The following CSMD3 variants were observed in gnomAD, a reference collection of about 807,000 sequenced individuals.
CSMD3 encodes the protein CUB and sushi domain-containing protein 3.
CSMD3 carries 177 observed loss-of-function variants against 435.2 expected under a neutral mutation model. The observed-to-expected ratio is 0.41, with a 90% CI of 0.36 to 0.46. The LOEUF (loss-of-function observed/expected upper bound fraction) is 0.46. Among genes scored for constraint, CSMD3 ranks in the 20% least tolerant of loss-of-function variants. CSMD3 has a pLI of 0.34. For synonymous variants in CSMD3, 1,656 were observed against 1,520.5 expected (o/e 1.09, Z -2.07); for missense variants, 4,265 against 4,504.6 (o/e 0.95, Z 1.52).
chr8:113,278,756 T>C lies in CSMD3; in HGVS notation c.402-52A>G, dbSNP rs747396978. ...GAGACATAATCATTTTATCTAAGAG[T>C]TTTTAAGAAGGATTAAAGTCATATT... On this transcript the variant is annotated intron_variant, in intron 2 of 70. Coordinates refer to ENST00000297405, the MANE Select transcript of CSMD3 (RefSeq NM_198123.2). The C allele has an allele frequency of 1.7e-5, 15 of 864,816 alleles. No individual in the cohort carries two copies. The South Asian group carries it at 2.0e-4, about 12-fold the overall frequency. 53.6% of individuals were successfully genotyped at this position (864,816 alleles called of 1,614,324 possible).
chr8:112,510,086 C>G (rs1338708641), intron 28 of CSMD3, among the ~76,000 whole-genome samples: 2 of 152,174 alleles, frequency 1.3e-5, no homozygotes, highest in Non-Finnish European at 2.9e-5. Context: ...TCCAATCTAT[C>G]AAGAAGCCCT....
intron 3 of CSMD3, among the ~76,000 whole-genome samples, chr8:113,271,262 T>C (rs2093523352): frequency 6.6e-6 from 1 of 152,140 alleles, no homozygotes; most frequent in Admixed American, 6.5e-5. Context: ...AACAAGGCAC[T>C]TAATGTTAAT....
At chr8:112,764,904 A>T (rs1157069680) in intron 13 of CSMD3, among the ~76,000 whole-genome samples, 2 of 151,708 alleles carry the variant, frequency 1.3e-5, no homozygotes, top group Non-Finnish European at 3.0e-5. Context: ...TCAGAAGAAG[A>T]TTACAAATTA....
At chr8:113,020,735 T>C (rs2086657216) in intron 5 of CSMD3, among the ~76,000 whole-genome samples, 1 of 152,226 alleles carries the variant, frequency 6.6e-6, no homozygotes, top group South Asian at 2.1e-4. Context: ...TGATTTATTA[T>C]ACTATGTTTG....
intron 13 of CSMD3, among the ~76,000 whole-genome samples, chr8:112,730,809 G>T (rs1014850927): frequency 1.3e-5 from 2 of 152,074 alleles, no homozygotes; most frequent in African/African-American, 4.8e-5. Flanking sequence ...GATCAATTTA[G>T]GGCTTGCTCT....
chr8:113,121,087 C>CT (rs1441332194), intron 4 of CSMD3, among the ~76,000 whole-genome samples: 1 of 152,192 alleles, frequency 6.6e-6, no homozygotes, highest in East Asian at 1.9e-4. Context: ...ATAAAACCAG[C>CT]TTTTTTGTGC....
intron 4 of CSMD3, among the ~76,000 whole-genome samples, chr8:113,148,690 A>G (rs562376638): frequency 2.6e-5 from 4 of 151,904 alleles, no homozygotes; most frequent in East Asian, 1.9e-4. Flanking sequence ...GACAGAGTAC[A>G]TATTTAAACA....
intron 5 of CSMD3, among the ~76,000 whole-genome samples, chr8:113,047,224 A>G (rs2087875172): frequency 6.6e-6 from 1 of 152,198 alleles, no homozygotes; most frequent in African/African-American, 2.4e-5. Flanking sequence ...AAATATATTT[A>G]ATTACCATTT....
At chr8:112,251,599 A>G (rs1277720644) in intron 63 of CSMD3, among the ~76,000 whole-genome samples, 1 of 151,856 alleles carries the variant, frequency 6.6e-6, no homozygotes, top group Non-Finnish European at 1.5e-5. Flanking sequence ...ATACTAAGAT[A>G]CTAATTTCAA....
At chr8:112,633,371 G>A (rs990181051) in intron 22 of CSMD3, among the ~76,000 whole-genome samples, 7 of 151,922 alleles carry the variant, frequency 4.6e-5, no homozygotes, top group Admixed American at 1.3e-4. Flanking sequence ...ACTTAGACTC[G>A]GAACATTGTG....
intron 37 of CSMD3, among the ~76,000 whole-genome samples, chr8:112,382,089 G>A (rs1208759317): frequency 1.3e-5 from 2 of 151,856 alleles, no homozygotes; most frequent in Admixed American, 6.6e-5. Context: ...AACCAGCCTA[G>A]GCAACATAGC....
chr8:113,385,561 G>T (rs1224634292), intron 1 of CSMD3, among the ~76,000 whole-genome samples: 1 of 152,056 alleles, frequency 6.6e-6, no homozygotes, highest in African/African-American at 2.4e-5. Context: ...TTCACATAAT[G>T]GCTTTGACTA....
Position 112,926,314 on chromosome 8 carries a change from T to C in CSMD3, c.1509-4563A>G, listed in dbSNP as rs1160348774. ...TTCCTAGGAAAGTATTCAGTTACCATGAAATGACAAGGAGGACAAGCTGTA... is the reference window on the plus strand; with the variant it reads ...TTCCTAGGAAAGTATTCAGTTACCACGAAATGACAAGGAGGACAAGCTGTA... On this transcript the variant is annotated intron_variant, in intron 9 of 70. Coordinates refer to ENST00000297405, the MANE Select transcript of CSMD3 (RefSeq NM_198123.2). 1.3e-5 allele frequency among the ~76,000 whole-genome samples: 2 copies of C among 151,962 alleles called. 1 individual carries two copies. Among genetic ancestry groups the C allele is most frequent in the East Asian group, 3.9e-4 (2 of 5,186 alleles).
intron 16 of CSMD3, among the ~76,000 whole-genome samples, chr8:112,679,884 C>A (rs968836424): frequency 7.9e-5 from 12 of 152,122 alleles, no homozygotes; most frequent in African/African-American, 2.9e-4. Flanking sequence ...TCCTGTTTAG[C>A]CACAGGGTAA....
At chr8:113,030,869 T>A (rs1436738561) in intron 5 of CSMD3, among the ~76,000 whole-genome samples, 1 of 151,504 alleles carries the variant, frequency 6.6e-6, no homozygotes, top group Non-Finnish European at 1.5e-5. Flanking sequence ...GAACAGGTAT[T>A]TCACAGAAGA....
chr8:112,775,275 C>T (rs1333104729), intron 13 of CSMD3, among the ~76,000 whole-genome samples: 2 of 151,702 alleles, frequency 1.3e-5, no homozygotes, highest in East Asian at 1.9e-4. Context: ...TCCATGTCTA[C>T]CTCTTGTCTA....
At chr8:112,634,103 G>C (rs556677219) in intron 22 of CSMD3, among the ~76,000 whole-genome samples, 5 of 151,764 alleles carry the variant, frequency 3.3e-5, no homozygotes, top group Non-Finnish European at 1.5e-5. Context: ...TTGGTGTTAG[G>C]GTATATGAAA....
At chr8:112,393,005 A>G (rs1051604167) in intron 35 of CSMD3, among the ~76,000 whole-genome samples, 1 of 151,726 alleles carries the variant, frequency 6.6e-6, no homozygotes, top group Non-Finnish European at 1.5e-5. Flanking sequence ...AGCTAGGACT[A>G]CAGGTGTGTG....
Position 113,048,666 on chromosome 8 carries a change from C to G in CSMD3, c.918-29487G>C, listed in dbSNP as rs117169474. ...GCATTTACTCTGCATAATGATTTTG[C>G]GTGTCAGGTAGGCTCATTGGACCTA... is the stretch of plus-strand genomic sequence containing the variant. On this transcript the variant is annotated intron_variant, in intron 5 of 70. Coordinates refer to ENST00000297405, the MANE Select transcript of CSMD3 (RefSeq NM_198123.2). 2.0e-5 allele frequency among the ~76,000 whole-genome samples: 3 copies of G among 151,992 alleles called. No homozygotes were observed. In the South Asian group the frequency reaches 6.2e-4, roughly 32 times the overall value.
Sources: gnomAD v4.1 joint callset for allele counts (sites outside exome capture counted in the v4.1 genomes callset) on GRCh38, gnomAD v4.1.1 for gene constraint, MANE v1.5 for transcripts, NCBI Gene and HGNC (gene_info 2026-07-23, HGNC 2026-07-21) for gene names.